The following MERTK variants were observed in gnomAD, a reference collection of about 807,000 sequenced individuals.
The protein encoded by MERTK is tyrosine-protein kinase Mer.
A neutral mutation model predicts 99.3 loss-of-function variants in MERTK; 69 were observed. The ratio of observed to expected loss-of-function variants is 0.70; its 90% CI spans 0.57 to 0.85. The LOEUF (loss-of-function observed/expected upper bound fraction) is 0.85. Among genes scored for constraint, MERTK ranks in the 40% least tolerant of loss-of-function variants. MERTK has a pLI of 0.00. For missense variants in MERTK, 1,125 were observed against 1,249.4 expected (o/e 0.90, Z 1.50); for synonymous variants, 426 against 467.6 (o/e 0.91, Z 1.15).
intron 18 of MERTK, among the ~76,000 whole-genome samples, chr2:112,025,767 T>C (rs1677448566): frequency 6.6e-6 from 1 of 152,248 alleles, no homozygotes; most frequent in Non-Finnish European, 1.5e-5. Flanking sequence ...TTTACAAATT[T>C]TGTAAATTCA....
intron 10 of MERTK, 35 bp from the exon 11 acceptor site, chr2:112,001,166 T>G: frequency 6.5e-7 from 1 of 1,547,336 alleles, no homozygotes; most frequent in Non-Finnish European, 8.9e-7. Context: ...TAGCCCTGTT[T>G]TTATAGTGAA....
At chr2:111,991,678 A>G (rs1156942478) in intron 8 of MERTK, among the ~76,000 whole-genome samples, 1 of 152,024 alleles carries the variant, frequency 6.6e-6, no homozygotes, top group East Asian at 1.9e-4. Context: ...TAACGGTCAT[A>G]TTTTCCCTTT....
chr2:111,990,555 C>T (rs7564225), intron 8 of MERTK, among the ~76,000 whole-genome samples: 94,053 of 152,064 alleles, frequency 0.62, 29,472 homozygotes, highest in Middle Eastern at 0.69. Flanking sequence ...AGTGGAAATT[C>T]AAAAAGTAAC....
intron 10 of MERTK, 48 bp downstream of exon 10, chr2:111,997,524 G>T (rs771798771): frequency 1.4e-5 from 23 of 1,596,308 alleles, no homozygotes; most frequent in Non-Finnish European, 1.7e-5. Context: ...TGACAAGGTT[G>T]TTATACCAAG....
intron 10 of MERTK, among the ~76,000 whole-genome samples, chr2:112,000,572 G>A (rs1676848173): frequency 6.6e-6 from 1 of 152,196 alleles, no homozygotes. Flanking sequence ...TGATTGAGAG[G>A]AGGAGCACAG....
At chr2:111,998,155 C>T (rs189152519) in intron 10 of MERTK, among the ~76,000 whole-genome samples, 41 of 152,276 alleles carry the variant, frequency 2.7e-4, no homozygotes, top group African/African-American at 4.3e-4. Flanking sequence ...AGCCAGGCTA[C>T]GCTTTATTTG....
chr2:112,026,940 A>T (rs192639123), intron 18 of MERTK, among the ~76,000 whole-genome samples: 3 of 151,838 alleles, frequency 2.0e-5, no homozygotes, highest in Non-Finnish European at 4.4e-5. Flanking sequence ...AATTTGGGTC[A>T]TTTTTTTGTC....
At position 112,022,511 on chromosome 2, in the gene MERTK, C is replaced by A. The variant is rs763547659; in HGVS notation, c.2486+117C>A. 2.7e-6 allele frequency: 4 copies of A among 1,496,146 alleles called. No individual in the cohort carries two copies. The East Asian group carries it at 6.8e-5, about 25-fold the overall frequency. 92.7% of individuals were successfully genotyped at this position (1,496,146 alleles called of 1,614,324 possible). Reference sequence around the variant, plus strand: ...AAGGGACTGCTGTTAGCCAGGTGGGCATGTGCAGAGGGGTGGAACCCACAG... The same window carrying A: ...AAGGGACTGCTGTTAGCCAGGTGGGAATGTGCAGAGGGGTGGAACCCACAG... On this transcript the variant is annotated intron_variant, in intron 18 of 18. Transcript: ENST00000295408.
intron 2 of MERTK, among the ~76,000 whole-genome samples, chr2:111,938,876 A>T (rs1684811647): frequency 1.3e-5 from 2 of 151,968 alleles, no homozygotes; most frequent in South Asian, 4.1e-4. Context: ...ATGTAATCCT[A>T]TGTATGTCTG....
rs189782090 is a variant in MERTK, at chr2:111,900,656, A to G, written c.61+1860A>G. On this transcript the variant is annotated intron_variant, in intron 1 of 18. Transcript: ENST00000295408. ...CAGACAATCATAAAAAGGCCTTTTA[A>G]AATCCACCCAGCTGGAAGAATGAAA... 5.8e-3 allele frequency among the ~76,000 whole-genome samples: 882 copies of G among 151,792 alleles called. 8 individuals are homozygous for G. Among genetic ancestry groups the G allele is most frequent in the Non-Finnish European group, 9.9e-3 (672 of 67,840 alleles).
chr2:111,968,006 G>C (rs969046876), intron 5 of MERTK, 131 bp from the exon 6 acceptor site: 7 of 731,382 alleles, frequency 9.6e-6, no homozygotes, highest in Non-Finnish European at 1.7e-5. Context: ...GGCTCCTCTT[G>C]AAAACATGTT....
At position 112,021,411 on chromosome 2, in the gene MERTK, G is replaced by A. The variant is rs750613749; in HGVS notation, c.2190-11G>A. The A allele has an allele frequency of 9.9e-6, 16 of 1,612,654 alleles. No individual in the cohort carries two copies. In the South Asian group the frequency reaches 1.8e-4, roughly 18 times the overall value. ...TCTGACGCTGCTGAAGACGTAACCT[G>A]CTCTCTGTAGGTTGCGAGATGACAT... On this transcript the variant is annotated splice_polypyrimidine_tract_variant and intron_variant, in intron 16 of 18. Transcript: ENST00000295408.
chr2:111,925,181 C>T lies in MERTK; in HGVS notation c.62-3939C>T, dbSNP rs1192535891. Among the ~76,000 whole-genome samples the T allele has an allele frequency of 4.1e-5, 6 of 147,990 alleles. No individual in the cohort carries two copies. The East Asian group carries it at 7.9e-4, about 20-fold the overall frequency. On this transcript the variant is annotated intron_variant, in intron 1 of 18. Coordinates refer to ENST00000295408, the MANE Select transcript of MERTK (RefSeq NM_006343.3). ...CTCTTTCTTTATCCCATTTGACTGT[C>T]GTAGCAAATCTTGAACCCAGGAGGT...
At chr2:111,917,840 G>T (rs548305413) in intron 1 of MERTK, among the ~76,000 whole-genome samples, 1 of 151,026 alleles carries the variant, frequency 6.6e-6, no homozygotes, top group Non-Finnish European at 1.5e-5. Flanking sequence ...AGTCGAGATC[G>T]TGCGACTACA....
intron 2 of MERTK, among the ~76,000 whole-genome samples, chr2:111,942,417 C>T (rs1684880507): frequency 6.6e-6 from 1 of 152,196 alleles, no homozygotes; most frequent in Non-Finnish European, 1.5e-5. Context: ...TCATTGCCCA[C>T]GATGGGCAGG....
chr2:111,996,563 C>T (rs544606782), intron 9 of MERTK: 7 of 154,854 alleles, frequency 4.5e-5, no homozygotes, highest in South Asian at 4.1e-4. Flanking sequence ...TAGTGTTCAA[C>T]GTAAAATTTG....
At chr2:111,919,666 T>C (rs1684417380) in intron 1 of MERTK, among the ~76,000 whole-genome samples, 2 of 151,788 alleles carry the variant, frequency 1.3e-5, no homozygotes, top group Admixed American at 1.3e-4. Flanking sequence ...GGGGACAGGC[T>C]GAAAGGGATG....
At chr2:111,929,638 G>A (rs1269477887) in intron 2 of MERTK, 98 bp downstream of exon 2, 8 of 964,118 alleles carry the variant, frequency 8.3e-6, no homozygotes, top group African/African-American at 3.5e-5. Flanking sequence ...CCAGGCTGGA[G>A]TGCAGTGGCA....
chr2:111,970,129 T>A (rs1676073140), intron 6 of MERTK, among the ~76,000 whole-genome samples: 1 of 152,068 alleles, frequency 6.6e-6, no homozygotes, highest in African/African-American at 2.4e-5. Context: ...TGATTTTTTT[T>A]AACACCTTTT....
Sources: allele counts gnomAD v4.1 joint callset (sites outside exome capture counted in the v4.1 genomes callset), GRCh38; gene constraint gnomAD v4.1.1; transcripts MANE v1.5; gene names NCBI Gene and HGNC (gene_info 2026-07-23, HGNC 2026-07-21).